Variants in SNX27 observed in about 807,000 individuals in gnomAD.
SNX27 encodes the protein sorting nexin 27, also known as sorting nexin-27.
In SNX27, 22 loss-of-function variants were observed where a neutral mutation model predicts 71.6. The ratio of observed to expected loss-of-function variants is 0.31; its 90% CI spans 0.22 to 0.44. The LOEUF is 0.44. Among genes scored for constraint, SNX27 ranks in the 20% least tolerant of loss-of-function variants. SNX27 has a pLI of 1.00. For missense variants in SNX27, 531 were observed against 698.6 expected (o/e 0.76, Z 2.70); for synonymous variants, 269 against 277.2 (o/e 0.97, Z 0.29).
At chr1:151,652,056 C>T (rs565838954) in intron 2 of SNX27, among the ~76,000 whole-genome samples, 94 of 152,234 alleles carry the variant, frequency 6.2e-4, no homozygotes, top group East Asian at 2.7e-3. Context: ...TCAGGTGTGG[C>T]GGCGCGAGCC....
At chr1:151,624,668 G>A (rs1185766721) in intron 1 of SNX27, among the ~76,000 whole-genome samples, 1 of 151,674 alleles carries the variant, frequency 6.6e-6, no homozygotes, top group Non-Finnish European at 1.5e-5. Flanking sequence ...CTGACCTCAG[G>A]TGATACACCT....
intron 8 of SNX27, among the ~76,000 whole-genome samples, chr1:151,691,045 C>T (rs559376424): frequency 6.6e-6 from 1 of 152,072 alleles, no homozygotes; most frequent in Non-Finnish European, 1.5e-5. Flanking sequence ...GTATAGGAGT[C>T]AGAGATTTAT....
chr1:151,643,213 C>T (rs941723349), intron 2 of SNX27, among the ~76,000 whole-genome samples: 9 of 152,030 alleles, frequency 5.9e-5, no homozygotes, highest in Admixed American at 1.3e-4. Context: ...ATCCGCCCGC[C>T]TCGGCCTCCC....
intron 1 of SNX27, among the ~76,000 whole-genome samples, chr1:151,620,695 T>C (rs79816085): frequency 2.5e-4 from 3 of 11,772 alleles, no homozygotes; most frequent in African/African-American, 3.8e-4. Flanking sequence ...TTGAAGATGC[T>C]TTTTTTTTTT....
chr1:151,651,179 T>TGGGCAGAGGCGCCC (rs1669327235), intron 2 of SNX27, among the ~76,000 whole-genome samples: 1 of 149,572 alleles, frequency 6.7e-6, no homozygotes, highest in African/African-American at 2.5e-5. Context: ...TAGGGGCGGC[T>TGGGCAGAGGCGCCC]GGGCAGAGGC....
intron 7 of SNX27, among the ~76,000 whole-genome samples, chr1:151,670,054 T>A (rs1424103461): frequency 8.5e-5 from 13 of 152,328 alleles, no homozygotes; most frequent in African/African-American, 3.1e-4. Context: ...CCCACTACCC[T>A]TCCCAGAGTC....
At chr1:151,613,735 AC>A (rs1308346457) in intron 1 of SNX27, among the ~76,000 whole-genome samples, 2 of 151,934 alleles carry the variant, frequency 1.3e-5, no homozygotes, top group African/African-American at 2.4e-5. Flanking sequence ...TCTAGGTGTT[AC>A]ATTTGCCTTT....
chr1:151,631,344 AG>A (rs1330602574), intron 1 of SNX27, among the ~76,000 whole-genome samples: 1 of 152,168 alleles, frequency 6.6e-6, no homozygotes, highest in African/African-American at 2.4e-5. Context: ...GAAGGTAGGG[AG>A]TTCATTTACA....
chr1:151,666,475 G>C (rs1670193440), intron 6 of SNX27: 1 of 152,178 alleles, frequency 6.6e-6, no homozygotes, highest in Non-Finnish European at 1.5e-5. Flanking sequence ...CCTCTTCCAA[G>C]GAAATTTTAT....
Position 151,658,236 on chromosome 1 carries a change from T to C in SNX27, c.545T>C (p.Val182Ala), listed in dbSNP as rs759883602. ...TCTTTTGTTCTTCTCCTTCACCAGG[T>C]ATATAATGTTTACATGGCAGGGAGG... Reference protein sequence around the residue: ...HVEQNGEKFVVYNVYMAGRQL... With the variant: ...HVEQNGEKFVAYNVYMAGRQL... Residue 182 changes from valine to alanine, a missense_variant and splice_region_variant, in exon 3 of 12, where the codon GTA becomes GCA. By Grantham distance (64) the Val-to-Ala change is moderately conservative. This residue lies in a region of SNX27 where 184 missense variants were observed against 289.6 expected (regional missense o/e 0.64). Transcript: ENST00000458013. The C allele has an allele frequency of 6.2e-7, 1 of 1,603,874 alleles. No individual in the cohort carries two copies. The highest frequency in any genetic ancestry group is 1.1e-5 in the South Asian group (1 of 89,082).
At chr1:151,639,988 T>A (rs559563502) in intron 2 of SNX27, among the ~76,000 whole-genome samples, 1 of 152,336 alleles carries the variant, frequency 6.6e-6, no homozygotes, top group African/African-American at 2.4e-5. Flanking sequence ...TTACAGTCTC[T>A]AAAACTGAGA....
rs57260474 is a variant in SNX27 at position 151,675,810 on chromosome 1, C to CTTTTTTTTTTTTTTTTTTTTTTT, written c.1149+7188_1149+7210dup. ...CCCTCCCTTCCTTCTTTCTTTCTTTCTTTTTTTTTTTTTTTTTTTTTTTTT... is the reference window on the plus strand; with the variant it reads ...CCCTCCCTTCCTTCTTTCTTTCTTTCTTTTTTTTTTTTTTTTTTTTTTTTTTTTTTTTTTTTTTTTTTTTTTTT... On this transcript the variant is annotated intron_variant, in intron 7 of 11. Transcript: ENST00000458013. The CTTTTTTTTTTTTTTTTTTTTTTT allele has an allele frequency of 5.7e-4, 18 of 31,484 alleles. 4 individuals carry two copies. Among genetic ancestry groups the CTTTTTTTTTTTTTTTTTTTTTTT allele is most frequent in the Admixed American group, 9.6e-4 (2 of 2,082 alleles). The allele number at this position is 31,484 out of a possible 1,614,324, so 2.0% of individuals were successfully genotyped here.
chr1:151,638,214 T>C (rs1196393445), intron 1 of SNX27, among the ~76,000 whole-genome samples: 2 of 152,228 alleles, frequency 1.3e-5, no homozygotes, highest in African/African-American at 2.4e-5. Flanking sequence ...CTAAATGAGA[T>C]AGCATAGAGC....
chr1:151,631,474 G>C (rs1668230873), intron 1 of SNX27, among the ~76,000 whole-genome samples: 1 of 152,130 alleles, frequency 6.6e-6, no homozygotes, highest in African/African-American at 2.4e-5. Context: ...GGCTAAAATA[G>C]AAACAATTTG....
intron 4 of SNX27, among the ~76,000 whole-genome samples, chr1:151,661,870 G>A (rs537249124): frequency 6.6e-6 from 1 of 152,288 alleles, no homozygotes; most frequent in Admixed American, 6.5e-5. Flanking sequence ...GGAAAGGGAA[G>A]CGAATCAAAA....
chr1:151,627,691 G>A (rs1668009711), intron 1 of SNX27, among the ~76,000 whole-genome samples: 1 of 152,078 alleles, frequency 6.6e-6, no homozygotes, highest in Admixed American at 6.5e-5. Flanking sequence ...GCTTCCCAAA[G>A]TGCTAGGATT....
In SNX27 at chr1:151,612,603, TC is replaced by T; in HGVS notation, c.311+96del. 1 of 917,666 alleles carries T rather than the reference TC, an allele frequency of 1.1e-6. No homozygotes were observed. Among genetic ancestry groups the T allele is most frequent in the Non-Finnish European group, 1.4e-6 (1 of 740,360 alleles). The allele number at this position is 917,666 out of a possible 1,614,324, so 56.8% of individuals were successfully genotyped here. ...ACCCTTGTCACCCCCAGGCCGCACC[TC>T]CCCCGAGCTCCGAGCCGGCCTCCGG... is the stretch of plus-strand genomic sequence containing the variant. On this transcript the variant is annotated intron_variant, in intron 1 of 11. Coordinates refer to ENST00000458013, the MANE Select transcript of SNX27 (RefSeq NM_001330723.2). The surrounding 1 kb of genome is among the most constrained non-coding windows in gnomAD (Gnocchi z 5.2).
Position 151,658,427 on chromosome 1 carries a change from G to C in SNX27, c.736G>C (p.Val246Leu). Residue 246 changes from valine to leucine, a missense_variant and splice_region_variant, in exon 3 of 12, where the codon GTG becomes CTG. Coordinates refer to ENST00000458013, the MANE Select transcript of SNX27 (RefSeq NM_001330723.2). ...RRGLEEYLEKVCSIRVIGESD... is the reference protein window; with the variant it reads ...RRGLEEYLEKLCSIRVIGESD... ...GGGATTGGAAGAATATCTAGAAAAA[G>C]GTAATCCAAACCATCAAACTCTACT... The C allele has an allele frequency of 6.2e-7, 1 of 1,613,194 alleles. No homozygotes were observed. Among genetic ancestry groups the C allele is most frequent in the Non-Finnish European group, 8.5e-7 (1 of 1,179,568 alleles).
In SNX27 at chr1:151,693,042, G is replaced by A. The variant is rs1443522364; in HGVS notation, c.1518+3G>A. 6.2e-7 allele frequency: 1 copy of A among 1,608,752 alleles called. No homozygotes were observed. The highest frequency in any genetic ancestry group is 1.3e-5 in the African/African-American group (1 of 74,656). On this transcript the variant is annotated splice_donor_region_variant and intron_variant, in intron 10 of 11. Coordinates refer to ENST00000458013, the MANE Select transcript of SNX27 (RefSeq NM_001330723.2). ...GGGTTAAAATCTTCACGCCATATGT[G>A]AGTGCAATTTGGGGAAAGTAACTGG...
Sources: allele counts gnomAD v4.1 joint callset (sites outside exome capture counted in the v4.1 genomes callset), GRCh38; gene constraint gnomAD v4.1.1; regional missense constraint gnomAD v4.1.1; non-coding constraint Gnocchi (gnomAD v3.1); transcripts MANE v1.5; gene names NCBI Gene and HGNC (gene_info 2026-07-23, HGNC 2026-07-21).